The following AFDN variants were observed in gnomAD, a reference collection of about 807,000 sequenced individuals.
AFDN encodes the protein afadin, adherens junction formation factor.
A neutral mutation model predicts 216.6 loss-of-function variants in AFDN; 68 were observed. The ratio of observed to expected loss-of-function variants is 0.31; its 90% CI spans 0.26 to 0.38. The LOEUF is 0.38. AFDN is among the 10% of genes least tolerant of loss of function. The probability of loss-of-function intolerance (pLI) is 1.00; values close to 1 mark genes in which losing one functional copy is unlikely to be tolerated. For synonymous variants in AFDN, 868 were observed against 853.7 expected (o/e 1.02, Z -0.29); for missense variants, 2,136 against 2,342.0 (o/e 0.91, Z 1.82).
At position 167,943,227 on chromosome 6, in the gene AFDN, G is replaced by C. The variant is rs1033861085; in HGVS notation, c.3165+33G>C. The C allele has an allele frequency of 1.9e-6, 3 of 1,582,992 alleles. No homozygotes were observed. The South Asian group carries it at 3.4e-5, about 18-fold the overall frequency. ...TCATTTTGAAAGAAGTACATTTTCA[G>C]TGTGTCATATATTCAGCAAATGATG... On this transcript the variant is annotated intron_variant, in intron 24 of 33. Transcript: ENST00000683244.
intron 30 of AFDN, chr6:167,952,573 C>T (rs529852354): frequency 1.4e-4 from 134 of 925,228 alleles, no homozygotes; most frequent in Admixed American, 1.9e-4. Flanking sequence ...TTAGGCTTTG[C>T]AGGCCACGGG....
At chr6:167,928,131 T>C (rs921197520) in intron 23 of AFDN, among the ~76,000 whole-genome samples, 1 of 152,236 alleles carries the variant, frequency 6.6e-6, no homozygotes, top group South Asian at 2.1e-4. Flanking sequence ...TTCCTATAGA[T>C]TCAAGTCTAA....
chr6:167,873,671 C>T (rs544810040), intron 4 of AFDN, among the ~76,000 whole-genome samples: 21 of 152,338 alleles, frequency 1.4e-4, no homozygotes, highest in African/African-American at 5.0e-4. Flanking sequence ...CTTTTCCTTA[C>T]ACCTGCAACT....
Position 167,880,351 on chromosome 6 carries a change from T to G in AFDN, c.740-9T>G. 1 of 1,609,540 alleles carries G rather than the reference T, an allele frequency of 6.2e-7. No homozygotes were observed. Among genetic ancestry groups the G allele is most frequent in the South Asian group, 1.1e-5 (1 of 90,268 alleles). On this transcript the variant is annotated splice_polypyrimidine_tract_variant and intron_variant, in intron 5 of 33. Coordinates refer to ENST00000683244, the MANE Select transcript of AFDN (RefSeq NM_001386888.1). ...AGTTGTACTCAAAGATGTCAAAATG[T>G]TTTTTCAGGTGGAACATTGAGAATT...
At chr6:167,959,995 G>A (rs933683030) in intron 30 of AFDN, among the ~76,000 whole-genome samples, 1 of 152,124 alleles carries the variant, frequency 6.6e-6, no homozygotes, top group African/African-American at 2.4e-5. Context: ...TTTGCCACTG[G>A]ATTGCTGGGT....
At chr6:167,838,919 G>A (rs1456702135) in intron 1 of AFDN, among the ~76,000 whole-genome samples, 1 of 152,218 alleles carries the variant, frequency 6.6e-6, no homozygotes, top group Non-Finnish European at 1.5e-5. Context: ...AGTGTTGTAA[G>A]ATGCTTAGAT....
rs774949789 is a variant in AFDN, at chr6:167,870,487, A to G, written c.403A>G (p.Ile135Val). 2.5e-6 allele frequency: 4 copies of G among 1,607,540 alleles called. No individual in the cohort carries two copies. The African/African-American group carries it at 5.4e-5, about 22-fold the overall frequency. ...TGTTCTTAAGAATGAGAATGACGCC[A>G]TTCCTCCTAAGGTAGGAACCCTCAG... is the stretch of plus-strand genomic sequence containing the variant. Reference protein sequence around the residue: ...RFVLKNENDAIPPKKAQSNGP... With the variant: ...RFVLKNENDAVPPKKAQSNGP... Residue 135 changes from isoleucine to valine, a missense_variant, in exon 3 of 34, where the codon ATT becomes GTT. Ile to Val is a conservative substitution (Grantham distance 29). Around this residue, in one of 8 missense-constraint regions of AFDN, gnomAD observed 817 missense variants for 965.7 expected, o/e 0.85. Coordinates refer to ENST00000683244, the MANE Select transcript of AFDN (RefSeq NM_001386888.1).
At chr6:167,874,691 C>T (rs1459740851) in intron 4 of AFDN, among the ~76,000 whole-genome samples, 1 of 147,808 alleles carries the variant, frequency 6.8e-6, no homozygotes, top group African/African-American at 2.5e-5. Context: ...TCTTGGCTCA[C>T]TGCAACCTCC....
At chr6:167,853,782 G>C (rs1005556208) in intron 1 of AFDN, among the ~76,000 whole-genome samples, 1 of 151,958 alleles carries the variant, frequency 6.6e-6, no homozygotes, top group Non-Finnish European at 1.5e-5. Context: ...TGTATCTTAT[G>C]CATCATGCCA....
chr6:167,878,045 A>C (rs937822870), intron 5 of AFDN, among the ~76,000 whole-genome samples: 10 of 152,148 alleles, frequency 6.6e-5, no homozygotes, highest in African/African-American at 2.4e-4. Flanking sequence ...TTGTGGTACA[A>C]ATACTCTACT....
chr6:167,967,374 T>G (rs754772798), intron 32 of AFDN, among the ~76,000 whole-genome samples: 85 of 152,230 alleles, frequency 5.6e-4, no homozygotes, highest in Non-Finnish European at 1.0e-3. Context: ...AGCTTTGATC[T>G]ACTTTGAAGG....
intron 9 of AFDN, among the ~76,000 whole-genome samples, chr6:167,894,168 G>A (rs638588): frequency 0.8 from 120,938 of 152,070 alleles, 48,477 homozygotes; most frequent in East Asian, 0.98. Flanking sequence ...AAAAGCAGCA[G>A]TGGCTGTGGA....
At chr6:167,902,189 G>A in intron 11 of AFDN, 128 bp from the exon 12 acceptor site, 3 of 641,960 alleles carry the variant, frequency 4.7e-6, no homozygotes, top group Non-Finnish European at 7.9e-6. Context: ...TTCGTGTGCT[G>A]AAAACAGAGC....
chr6:167,930,316 T>C (rs1032195139), intron 23 of AFDN, among the ~76,000 whole-genome samples: 1 of 152,240 alleles, frequency 6.6e-6, no homozygotes, highest in Non-Finnish European at 1.5e-5. Context: ...AAAAGTTTTC[T>C]TCTCCTGGTG....
chr6:167,954,423 C>A, intron 30 of AFDN: 1 of 1,553,480 alleles, frequency 6.4e-7, no homozygotes. Context: ...CACACTTCAT[C>A]TTTCTTTTTT....
intron 17 of AFDN, 150 bp from the exon 18 acceptor site, chr6:167,914,494 C>T (rs1790793543): frequency 1.1e-5 from 10 of 877,678 alleles, no homozygotes; most frequent in Non-Finnish European, 1.7e-5. Flanking sequence ...TATAGTTATA[C>T]TGAATTCAGT....
At chr6:167,933,319 T>G (rs1793561091) in intron 23 of AFDN, among the ~76,000 whole-genome samples, 1 of 152,244 alleles carries the variant, frequency 6.6e-6, no homozygotes, top group African/African-American at 2.4e-5. Context: ...TCTTAAAATC[T>G]TAGCTTAAAA....
chr6:167,932,448 A>G (rs1793428463), intron 23 of AFDN, among the ~76,000 whole-genome samples: 1 of 152,214 alleles, frequency 6.6e-6, no homozygotes, highest in Non-Finnish European at 1.5e-5. Flanking sequence ...TTGGATTTTA[A>G]AATTACAAAC....
chr6:167,951,410 A>G lies in AFDN; in HGVS notation c.4056A>G (p.Thr1352=). 6.2e-7 allele frequency: 1 copy of G among 1,613,756 alleles called. No individual in the cohort carries two copies. Among genetic ancestry groups the G allele is most frequent in the South Asian group, 1.1e-5 (1 of 91,078 alleles). Residue 1352 remains threonine (T), a synonymous_variant, in exon 30 of 34, where the codon ACA becomes ACG. Coordinates refer to ENST00000683244, the MANE Select transcript of AFDN (RefSeq NM_001386888.1). The surrounding 1 kb of genome is among the most constrained non-coding windows in gnomAD (Gnocchi z 7.1). The part of the protein sequence containing the change: ...LTKSGPGRWK[T]PAAIPATPVA... ...AAAGTGGCCCTGGCCGTTGGAAAAC[A>G]CCAGCAGCCATACCGGCCACCCCTG...
Sources: allele counts gnomAD v4.1 joint callset (sites outside exome capture counted in the v4.1 genomes callset), GRCh38; gene constraint gnomAD v4.1.1; regional missense constraint gnomAD v4.1.1; non-coding constraint Gnocchi (gnomAD v3.1); transcripts MANE v1.5; gene names NCBI Gene and HGNC (gene_info 2026-07-23, HGNC 2026-07-21).